The following STXBP6 variants were observed in gnomAD, a reference collection of about 807,000 sequenced individuals.
STXBP6 encodes the protein syntaxin-binding protein 6.
Under a neutral mutation model 26.9 loss-of-function variants are expected in STXBP6, and 21 were observed. The ratio of observed to expected loss-of-function variants is 0.78; its 90% confidence interval spans 0.55 to 1.12. STXBP6 has a LOEUF of 1.12. STXBP6 is among the 50% of genes most tolerant of loss of function. STXBP6 has a pLI of 0.00. For synonymous variants in STXBP6, 97 were observed against 92.6 expected, an observed-to-expected ratio of 1.05 and a Z score of -0.27; for missense variants, 232 against 257.9, an observed-to-expected ratio of 0.90 and a Z score of 0.69.
intron 2 of STXBP6, among the ~76,000 whole-genome samples, chr14:24,922,285 A>G (rs947518771): frequency 1.9e-4 from 29 of 152,058 alleles, no homozygotes; most frequent in African/African-American, 6.5e-4. Flanking sequence ...GAGAAAACTG[A>G]TGTTTAGAGG....
chr14:24,885,012 TC>T (rs2070521924), intron 2 of STXBP6, among the ~76,000 whole-genome samples: 1 of 152,106 alleles, frequency 6.6e-6, no homozygotes, highest in African/African-American at 2.4e-5. Flanking sequence ...CTTCATTGCT[TC>T]CCCATCAGTG....
At chr14:25,047,702 T>C (rs549624499) in intron 1 of STXBP6, among the ~76,000 whole-genome samples, 1 of 152,346 alleles carries the variant, frequency 6.6e-6, no homozygotes, top group African/African-American at 2.4e-5. Flanking sequence ...ATGCTGCACC[T>C]GGGGTGGCTC....
At chr14:24,960,986 C>A (rs868650181) in intron 2 of STXBP6, among the ~76,000 whole-genome samples, 1 of 152,122 alleles carries the variant, frequency 6.6e-6, no homozygotes, top group African/African-American at 2.4e-5. Flanking sequence ...TGATGTCAGG[C>A]AAAGCATCCA....
chr14:24,883,801 G>A (rs544074467), intron 2 of STXBP6, among the ~76,000 whole-genome samples: 1 of 152,200 alleles, frequency 6.6e-6, no homozygotes, highest in Admixed American at 6.5e-5. Context: ...ATCCCCCTGG[G>A]ATTCTTCTGC....
chr14:24,943,564 A>T (rs1167448978), intron 2 of STXBP6, among the ~76,000 whole-genome samples: 4 of 152,212 alleles, frequency 2.6e-5, no homozygotes, highest in Non-Finnish European at 5.9e-5. Flanking sequence ...TTAAATTCTG[A>T]ATTATTTGTT....
At chr14:25,032,563 C>T (rs368171272) in intron 1 of STXBP6, among the ~76,000 whole-genome samples, 2 of 152,210 alleles carry the variant, frequency 1.3e-5, no homozygotes, top group East Asian at 1.9e-4. Flanking sequence ...GCACTCAACC[C>T]GTCCGGGGAA....
chr14:24,855,126 A>G (rs1201233624), intron 4 of STXBP6, among the ~76,000 whole-genome samples: 1 of 152,076 alleles, frequency 6.6e-6, no homozygotes, highest in Non-Finnish European at 1.5e-5. Flanking sequence ...ATTCTGCTGT[A>G]TGTTCATATG....
intron 2 of STXBP6, among the ~76,000 whole-genome samples, chr14:24,912,433 G>A (rs1268637009): frequency 3.0e-5 from 4 of 134,546 alleles, no homozygotes; most frequent in African/African-American, 1.2e-4. Context: ...TTTATAGAAA[G>A]TGAATGCCAA....
rs768658907 is a variant in STXBP6 at position 25,044,170 on chromosome 14, CA to C, written c.-33+5707del. Among the ~76,000 whole-genome samples, 419 of 53,322 alleles carry C rather than the reference CA, an allele frequency of 7.9e-3. 1 individual carries two copies. The highest frequency in any genetic ancestry group is 0.024 in the East Asian group (37 of 1,518). The allele number at this position is 53,322 out of a possible 152,430, so 35.0% of individuals were successfully genotyped here. A position where few individuals can be genotyped will look rare whatever the true frequency, so the allele number is the denominator to read the frequency against. On this transcript the variant is annotated intron_variant, in intron 1 of 5. Transcript: ENST00000323944. ...TGGGAGACAGAATGAGACTCTGCCT[CA>C]AAAAAAAAAAAAAAAAAAAAAAAGG... is the stretch of plus-strand genomic sequence containing the variant.
At chr14:24,898,416 T>C (rs1220818564) in intron 2 of STXBP6, among the ~76,000 whole-genome samples, 3 of 152,150 alleles carry the variant, frequency 2.0e-5, no homozygotes, top group African/African-American at 4.8e-5. Flanking sequence ...CGGCGGGTCA[T>C]GCCTGTAATC....
At chr14:24,923,366 C>A (rs531714538) in intron 2 of STXBP6, among the ~76,000 whole-genome samples, 1 of 152,212 alleles carries the variant, frequency 6.6e-6, no homozygotes, top group African/African-American at 2.4e-5. Context: ...ATTTAAAATG[C>A]CACAATGTTT....
intron 2 of STXBP6, among the ~76,000 whole-genome samples, chr14:24,903,882 T>C (rs578227407): frequency 6.6e-6 from 1 of 152,358 alleles, no homozygotes; most frequent in Non-Finnish European, 1.5e-5. Flanking sequence ...GTGAGCGTTC[T>C]TGTGAAAGGG....
chr14:24,899,519 G>A (rs1485316389), intron 2 of STXBP6, among the ~76,000 whole-genome samples: 1 of 152,074 alleles, frequency 6.6e-6, no homozygotes, highest in Admixed American at 6.5e-5. Flanking sequence ...GGTGGCTCAT[G>A]CCTGTAATCC....
At chr14:24,937,587 T>G (rs2072647676) in intron 2 of STXBP6, among the ~76,000 whole-genome samples, 1 of 152,192 alleles carries the variant, frequency 6.6e-6, no homozygotes, top group South Asian at 2.1e-4. Context: ...GATTCTAAGA[T>G]GCATCCCAAT....
At position 25,001,442 on chromosome 14, in the gene STXBP6, TG is replaced by T. The variant is rs1357333497; in HGVS notation, c.-32-26593del. On this transcript the variant is annotated intron_variant, in intron 1 of 5. Coordinates refer to ENST00000323944, the MANE Select transcript of STXBP6 (RefSeq NM_001394410.1). ...GTTTATGCTAACAAGATGACTCTTT[TG>T]GGTCCCTAGATAGCTTCAGAATAGG... is the stretch of plus-strand genomic sequence containing the variant. 3.9e-5 allele frequency among the ~76,000 whole-genome samples: 6 copies of T among 152,334 alleles called. No homozygotes were observed. The East Asian group carries it at 1.2e-3, about 29-fold the overall frequency.
chr14:24,930,083 A>G (rs2072326575), intron 2 of STXBP6, among the ~76,000 whole-genome samples: 1 of 152,252 alleles, frequency 6.6e-6, no homozygotes, highest in Non-Finnish European at 1.5e-5. Context: ...AATTTTGTCA[A>G]GACTTGCTAT....
At chr14:24,873,861 T>C (rs1039264171) in intron 2 of STXBP6, among the ~76,000 whole-genome samples, 2 of 152,206 alleles carry the variant, frequency 1.3e-5, no homozygotes, top group African/African-American at 2.4e-5. Context: ...ATGCTGGCTG[T>C]GTCTGCCTGA....
chr14:25,046,381 G>A (rs72682982), intron 1 of STXBP6, among the ~76,000 whole-genome samples: 10,619 of 152,262 alleles, frequency 0.07, 456 homozygotes, highest in South Asian at 0.17. Flanking sequence ...AGACAGGTTT[G>A]GGCCTGAAAG....
At chr14:25,014,523 C>A (rs920374669) in intron 1 of STXBP6, among the ~76,000 whole-genome samples, 9 of 152,200 alleles carry the variant, frequency 5.9e-5, no homozygotes, top group African/African-American at 2.2e-4. Flanking sequence ...GTCTACTTGT[C>A]TTCTCTTGAC....
Sources: gnomAD v4.1 joint callset for allele counts (sites outside exome capture counted in the v4.1 genomes callset) on GRCh38, gnomAD v4.1.1 for gene constraint, MANE v1.5 for transcripts, NCBI Gene and HGNC (gene_info 2026-07-23, HGNC 2026-07-21) for gene names.